The following RYR2 variants were observed in gnomAD, a reference collection of about 807,000 sequenced individuals.
RYR2 encodes the protein cardiac muscle ryanodine receptor-calcium release channel.
In RYR2, 227 loss-of-function variants were observed where a neutral mutation model predicts 601.1. The ratio of observed to expected loss-of-function variants is 0.38; its 90% CI spans 0.34 to 0.42. The LOEUF is 0.42. Among genes scored for constraint, RYR2 ranks in the 10% least tolerant of loss-of-function variants. The pLI, the probability that RYR2 is intolerant of heterozygous loss-of-function variation, is 1.00. For missense variants in RYR2, 4,646 were observed against 6,156.5 expected (o/e 0.75, Z 8.21); for synonymous variants, 2,223 against 2,175.1 (o/e 1.02, Z -0.61).
chr1:237,628,167 A>C, intron 41 of RYR2, 87 bp downstream of exon 41: 1 of 1,385,254 alleles, frequency 7.2e-7, no homozygotes, highest in Non-Finnish European at 9.8e-7. Context: ...CTACATTGAT[A>C]AAAATATATT....
At chr1:237,714,335 A>T (rs77662138) in intron 71 of RYR2, among the ~76,000 whole-genome samples, 1 of 152,244 alleles carries the variant, frequency 6.6e-6, no homozygotes, top group Non-Finnish European at 1.5e-5. Flanking sequence ...ATAGTTAATA[A>T]GTACTTAGAA....
At chr1:237,646,239 T>C (rs7514424) in intron 48 of RYR2, among the ~76,000 whole-genome samples, 1 of 151,004 alleles carries the variant, frequency 6.6e-6, no homozygotes, top group Non-Finnish European at 1.5e-5. Context: ...TACTCAGGAG[T>C]CTGAGGCAGG....
At chr1:237,435,913 C>A (rs1707306293) in intron 12 of RYR2, among the ~76,000 whole-genome samples, 1 of 152,098 alleles carries the variant, frequency 6.6e-6, no homozygotes, top group African/African-American at 2.4e-5. Flanking sequence ...GGTAAGTAAG[C>A]CTGACACCTG....
At position 237,250,843 on chromosome 1, in the gene RYR2, G is replaced by A. The variant is rs10157554; in HGVS notation, c.49-19654G>A. ...AAACATGTGATCATATCTTCTTACC[G>A]TCCCTCAAGTGTATCAAAAACACTG... On this transcript the variant is annotated intron_variant, in intron 1 of 104. Transcript: ENST00000366574. Among the ~76,000 whole-genome samples the A allele has an allele frequency of 9.9e-3, 1,507 of 152,038 alleles. 30 individuals carry two copies. The highest frequency in any genetic ancestry group is 0.034 in the African/African-American group (1,404 of 41,450).
chr1:237,691,639 TTTATG>T (rs1686953356), intron 63 of RYR2, among the ~76,000 whole-genome samples: 1 of 152,208 alleles, frequency 6.6e-6, no homozygotes, highest in Admixed American at 6.5e-5. Context: ...TTTAAACCAT[TTTATG>T]TTATGTTTAA....
chr1:237,805,377 A>G (rs1372746471), intron 98 of RYR2, among the ~76,000 whole-genome samples: 1 of 151,982 alleles, frequency 6.6e-6, no homozygotes, highest in East Asian at 1.9e-4. Context: ...TTAGGAGATC[A>G]AGACCATCCT....
intron 98 of RYR2, among the ~76,000 whole-genome samples, chr1:237,804,269 T>A (rs1032697509): frequency 6.6e-6 from 1 of 151,836 alleles, no homozygotes; most frequent in Non-Finnish European, 1.5e-5. Flanking sequence ...AACCCACCAC[T>A]CAAACCAAAT....
At chr1:237,252,105 A>G (rs1365149271) in intron 1 of RYR2, among the ~76,000 whole-genome samples, 1 of 151,614 alleles carries the variant, frequency 6.6e-6, no homozygotes, top group Non-Finnish European at 1.5e-5. Context: ...GTTCTTTTAG[A>G]GTGGGAATGA....
chr1:237,529,367 T>G (rs1397878787), intron 24 of RYR2, among the ~76,000 whole-genome samples: 2 of 152,144 alleles, frequency 1.3e-5, no homozygotes, highest in African/African-American at 2.4e-5. Context: ...ATAACAAAAT[T>G]TAACTGATAA....
rs897269866 is a variant in RYR2, at chr1:237,180,725, C to T, written c.49-89772C>T. ...GTATATATACACATATATACATATA[C>T]ATAGATATATGCTATTATATAATAA... On this transcript the variant is annotated intron_variant, in intron 1 of 104. Transcript: ENST00000366574. The surrounding 1 kb of genome is among the most constrained non-coding windows in gnomAD (Gnocchi z 5.3). Among the ~76,000 whole-genome samples, 1 of 146,248 alleles carries T rather than the reference C, an allele frequency of 6.8e-6. No individual in the cohort carries two copies. Among genetic ancestry groups the T allele is most frequent in the East Asian group, 2.0e-4 (1 of 5,108 alleles).
intron 2 of RYR2, among the ~76,000 whole-genome samples, chr1:237,297,459 G>C (rs79264835): frequency 0.048 from 7,357 of 152,142 alleles, 250 homozygotes; most frequent in Non-Finnish European, 0.072. Flanking sequence ...GAAAAGTAAA[G>C]GTGGGTATTA....
At chr1:237,435,312 G>A (rs905203555) in intron 12 of RYR2, among the ~76,000 whole-genome samples, 1 of 152,112 alleles carries the variant, frequency 6.6e-6, no homozygotes, top group African/African-American at 2.4e-5. Context: ...TTATTATGCA[G>A]TTGAGGAAAC....
Position 237,401,261 on chromosome 1 carries a change from G to A in RYR2, c.773+13078G>A, listed in dbSNP as rs181290522. Among the ~76,000 whole-genome samples the A allele has an allele frequency of 6.4e-4, 98 of 152,186 alleles. 1 individual carries two copies. The East Asian group carries it at 0.013, about 20-fold the overall frequency. ...GTTTCAGCACCAACTAGCATACTGC[G>A]GTATATTTCTGACACTAACCACCTG... On this transcript the variant is annotated intron_variant, in intron 10 of 104. Transcript: ENST00000366574.
chr1:237,748,250 T>C (rs1269269971), intron 80 of RYR2, among the ~76,000 whole-genome samples: 1 of 152,004 alleles, frequency 6.6e-6, no homozygotes, highest in African/African-American at 2.4e-5. Flanking sequence ...TGCTCAGTTG[T>C]GTGGGATGCC....
intron 1 of RYR2, among the ~76,000 whole-genome samples, chr1:237,159,633 C>T (rs1004629738): frequency 1.3e-5 from 2 of 152,128 alleles, no homozygotes; most frequent in African/African-American, 2.4e-5. Flanking sequence ...GAATTCAAGA[C>T]CAACCTGGAC....
chr1:237,744,157 C>G (rs1691856957), intron 80 of RYR2, among the ~76,000 whole-genome samples: 2 of 152,066 alleles, frequency 1.3e-5, no homozygotes, highest in African/African-American at 4.8e-5. Context: ...GACTATTTCT[C>G]TCTTAATATT....
chr1:237,411,190 G>A (rs1704418930), intron 10 of RYR2, among the ~76,000 whole-genome samples: 1 of 152,138 alleles, frequency 6.6e-6, no homozygotes, highest in Non-Finnish European at 1.5e-5. Context: ...AACCTCACAA[G>A]AGACTCCAAG....
chr1:237,226,074 A>C (rs1684333260), intron 1 of RYR2, among the ~76,000 whole-genome samples: 1 of 152,108 alleles, frequency 6.6e-6, no homozygotes, highest in Non-Finnish European at 1.5e-5. Context: ...AAAAAATTAA[A>C]GGTGTCCCCT....
chr1:237,532,644 T>A (rs1668247034), intron 25 of RYR2, among the ~76,000 whole-genome samples: 1 of 152,276 alleles, frequency 6.6e-6, no homozygotes, highest in South Asian at 2.1e-4. Context: ...CCTGTTACTC[T>A]TTTACTCAGA....
Sources: gnomAD v4.1 joint callset for allele counts (sites outside exome capture counted in the v4.1 genomes callset) on GRCh38, gnomAD v4.1.1 for gene constraint, Gnocchi (gnomAD v3.1) non-coding constraint, MANE v1.5 for transcripts, NCBI Gene and HGNC (gene_info 2026-07-23, HGNC 2026-07-21) for gene names.